Variants in PHF13 observed in about 807,000 individuals in gnomAD.
The protein encoded by PHF13 is PHD finger protein 13, also known as PHD zinc finger protein PHF5.
PHF13 carries 1 observed loss-of-function variant against 25.8 expected under a neutral mutation model. The ratio of observed to expected loss-of-function variants is 0.04; its 90% confidence interval spans 0.01 to 0.18. The LOEUF is 0.18. Among genes scored for constraint, PHF13 ranks in the 10% least tolerant of loss-of-function variants. The pLI, the probability that PHF13 is intolerant of heterozygous loss-of-function variation, is 1.00. For synonymous variants in PHF13, 195 were observed against 162.4 expected (o/e 1.20, Z -1.53); for missense variants, 306 against 403.2 (o/e 0.76, Z 2.06).
chr1:6,615,466 A>G (rs1641246855), intron 1 of PHF13, among the ~76,000 whole-genome samples: 1 of 152,074 alleles, frequency 6.6e-6, no homozygotes, highest in Non-Finnish European at 1.5e-5. Context: ...ATAATTTTCT[A>G]AGGGCACCGA....
In PHF13 at chr1:6,622,088, CAA is replaced by C. The variant is rs947210158; in HGVS notation, c.*454_*455del. 15 of 223,962 alleles carry C rather than the reference CAA, an allele frequency of 6.7e-5. No individual in the cohort carries two copies. The highest frequency in any genetic ancestry group is 1.4e-4 in the Non-Finnish European group (15 of 109,710). The allele number at this position is 223,962 out of a possible 1,614,324, so 13.9% of individuals were successfully genotyped here. On this transcript the variant is annotated 3_prime_UTR_variant, in exon 4 of 4. Transcript: ENST00000377648. The stretch of plus-strand genomic sequence containing the variant: ...TTTTCTTGAGTGTTAAGTCTTTTAC[CAA>C]AAGTGTCTGTACAGCAGCCATCCAA...
rs777405029 is a variant in PHF13, at chr1:6,614,028, C to T, written c.-39C>T. On this transcript the variant is annotated 5_prime_UTR_variant, in exon 1 of 4. Transcript: ENST00000377648. ...GCGGCCCCGCTCCAGCATCCCAGCT[C>T]CTGCACTCTCGCAGCCGCCGCCGCC... The T allele has an allele frequency of 1.9e-5, 30 of 1,555,216 alleles. No individual in the cohort carries two copies. In the South Asian group the frequency reaches 2.9e-4, roughly 15 times the overall value.
At chr1:6,619,160 AG>A (rs892215797) in intron 2 of PHF13, among the ~76,000 whole-genome samples, 4 of 152,180 alleles carry the variant, frequency 2.6e-5, no homozygotes, top group Admixed American at 2.0e-4. Flanking sequence ...ATCTCTTGGG[AG>A]GGCAAATGGA....
rs367884176 is a variant in PHF13, at chr1:6,619,999, C to T, written c.338C>T (p.Thr113Met). Residue 113 changes from threonine (T) to methionine (M), a missense_variant, in exon 3 of 4, where the codon ACG becomes ATG. By Grantham distance (81) the Thr-to-Met change is moderately conservative. This residue lies in a region of PHF13 where 186 missense variants were observed against 164.0 expected (regional missense o/e 1.13). Transcript: ENST00000377648. ...PSNFLLDRKK[T>M]DKLKKKKKRK... is the part of the protein sequence containing the mutation. The stretch of plus-strand genomic sequence containing the variant: ...AACTTCCTGCTGGACAGAAAGAAAA[C>T]GGACAAGCTGAAGAAGAAGAAGAAG... 6.8e-6 allele frequency: 11 copies of T among 1,613,488 alleles called. No homozygotes were observed. The highest frequency in any genetic ancestry group is 2.2e-5 in the East Asian group (1 of 44,848).
Position 6,621,460 on chromosome 1 carries a change from C to T in PHF13, c.726C>T (p.Ala242=), listed in dbSNP as rs142204093. 1.4e-5 allele frequency: 23 copies of T among 1,613,948 alleles called. No homozygotes were observed. Among genetic ancestry groups the T allele is most frequent in the African/African-American group, 2.7e-5 (2 of 74,912 alleles). ...CCTGCTTCTGCATGAAGCCATTTGCCGGCCGCCCCATGATCGAGTGTAATG... is the reference window on the plus strand; with the variant it reads ...CCTGCTTCTGCATGAAGCCATTTGCTGGCCGCCCCATGATCGAGTGTAATG... ...LVTCFCMKPF[A]GRPMIECNEC... The change falls in exon 4 of 4, where the codon GCC becomes GCT. Residue 242 remains alanine (A), a synonymous_variant. Coordinates refer to ENST00000377648, the MANE Select transcript of PHF13 (RefSeq NM_153812.3). This position sits in a 1 kb window ranked among gnomAD's most constrained non-coding sequence, Gnocchi z 4.8.
intron 1 of PHF13, chr1:6,614,703 C>T (rs1297976832): frequency 6.6e-6 from 1 of 150,750 alleles, no homozygotes; most frequent in African/African-American, 2.4e-5. Flanking sequence ...CGAGTCCTGC[C>T]CCCACCCACC....
chr1:6,614,395 C>G (rs1641221408), intron 1 of PHF13: 1 of 422,810 alleles, frequency 2.4e-6, no homozygotes, highest in African/African-American at 2.2e-5. Context: ...TCTCCGGCCT[C>G]GCGTCGACCT....
intron 3 of PHF13, among the ~76,000 whole-genome samples, chr1:6,620,590 C>T (rs964692696): frequency 1.3e-5 from 2 of 150,438 alleles, no homozygotes; most frequent in Admixed American, 1.3e-4. Flanking sequence ...AAGTAAGCAT[C>T]CAGGTAAGCA....
At position 6,621,251 on chromosome 1, in the gene PHF13, A is replaced by G. The variant is rs1020486029; in HGVS notation, c.677-160A>G. Among the ~76,000 whole-genome samples, 5 of 151,762 alleles carry G rather than the reference A, an allele frequency of 3.3e-5. No individual in the cohort carries two copies. The South Asian group carries it at 6.2e-4, about 19-fold the overall frequency. ...CCTGGGTAATACCTGGTTCCCACAC[A>G]TTTTGGAGCCCCTCGTGCCTTTTCA... On this transcript the variant is annotated intron_variant, in intron 3 of 3. Transcript: ENST00000377648. This position sits in a 1 kb window ranked among gnomAD's most constrained non-coding sequence, Gnocchi z 4.8.
Position 6,622,131 on chromosome 1 carries a change from T to G in PHF13, c.*494T>G, listed in dbSNP as rs924362452. 5.6e-5 allele frequency: 10 copies of G among 177,840 alleles called. No homozygotes were observed. The highest frequency in any genetic ancestry group is 7.4e-5 in the Non-Finnish European group (6 of 81,412). 11.0% of individuals were successfully genotyped at this position (177,840 alleles called of 1,614,324 possible). A position where few individuals can be genotyped will look rare whatever the true frequency, so the allele number is the denominator to read the frequency against. On this transcript the variant is annotated 3_prime_UTR_variant, in exon 4 of 4. Transcript: ENST00000377648. ...AGCCATCCAAGTTGCCCCTACTTAGTGGCTTGCCCTCTGCCTGCCTCAGCT... is the reference window on the plus strand; with the variant it reads ...AGCCATCCAAGTTGCCCCTACTTAGGGGCTTGCCCTCTGCCTGCCTCAGCT...
rs1175339017 is a variant in PHF13, at chr1:6,620,185, C to T, written c.524C>T (p.Thr175Ile). 6.2e-7 allele frequency: 1 copy of T among 1,613,886 alleles called. No homozygotes were observed. Among genetic ancestry groups the T allele is most frequent in the African/African-American group, 1.3e-5 (1 of 74,908 alleles). The change falls in exon 3 of 4, where the codon ACT becomes ATT. Residue 175 changes from threonine to isoleucine, a missense_variant. Around this residue, in one of 5 missense-constraint regions of PHF13, gnomAD observed 186 missense variants for 164.0 expected, o/e 1.13. Coordinates refer to ENST00000377648, the MANE Select transcript of PHF13 (RefSeq NM_153812.3). ...SDPCSGWDSD[T>I]PSSGSCATVS... The stretch of plus-strand genomic sequence containing the variant: ...CCCTGCTCGGGCTGGGACTCCGATA[C>T]TCCCTCGAGTGGATCTTGTGCCACT...
Position 6,618,153 on chromosome 1 carries a change from T to C in PHF13, c.141+1295T>C, listed in dbSNP as rs150714617. Among the ~76,000 whole-genome samples the C allele has an allele frequency of 2.5e-3, 373 of 151,914 alleles. 1 individual carries two copies. Among genetic ancestry groups the C allele is most frequent in the African/African-American group, 8.3e-3 (346 of 41,460 alleles). ...TTGAACAATCCAGCTTTTTTTTTTTTGCGACAGGTCTTGCTCTGTTGCCCA... is the reference window on the plus strand; with the variant it reads ...TTGAACAATCCAGCTTTTTTTTTTTCGCGACAGGTCTTGCTCTGTTGCCCA... On this transcript the variant is annotated intron_variant, in intron 2 of 3. Coordinates refer to ENST00000377648, the MANE Select transcript of PHF13 (RefSeq NM_153812.3).
In PHF13 at chr1:6,613,854, C is replaced by T. The variant is rs924293888; in HGVS notation, c.-213C>T. The T allele has an allele frequency of 8.4e-6, 4 of 475,808 alleles. No individual in the cohort carries two copies. The highest frequency in any genetic ancestry group is 4.5e-5 in the Admixed American group (1 of 22,056). The allele number at this position is 475,808 out of a possible 1,614,324, so 29.5% of individuals were successfully genotyped here. On this transcript the variant is annotated 5_prime_UTR_variant, in exon 1 of 4. Transcript: ENST00000377648. Reference sequence around the variant, plus strand: ...CCCGCCTCTACCGCCGCGGGAGCTGCATCGTCCACTCCGGTCGGCGGTGGA... The same window carrying T: ...CCCGCCTCTACCGCCGCGGGAGCTGTATCGTCCACTCCGGTCGGCGGTGGA...
In PHF13 at chr1:6,623,142, G is replaced by C. The variant is rs1274108906; in HGVS notation, c.*1505G>C. On this transcript the variant is annotated 3_prime_UTR_variant, in exon 4 of 4. Coordinates refer to ENST00000377648, the MANE Select transcript of PHF13 (RefSeq NM_153812.3). The stretch of plus-strand genomic sequence containing the variant: ...GTGGCACCTTTGTGCCAGGCCACCA[G>C]GCAGACTCTTCCCACCTTCTCCCAC... 1.3e-5 allele frequency: 2 copies of C among 152,262 alleles called. No individual in the cohort carries two copies. Among genetic ancestry groups the C allele is most frequent in the Non-Finnish European group, 2.9e-5 (2 of 68,054 alleles). 9.4% of individuals were successfully genotyped at this position (152,262 alleles called of 1,614,324 possible). A position where few individuals can be genotyped will look rare whatever the true frequency, so the allele number is the denominator to read the frequency against.
chr1:6,616,926 G>T, intron 2 of PHF13, 68 bp downstream of exon 2: 2 of 1,386,902 alleles, frequency 1.4e-6, no homozygotes, highest in Non-Finnish European at 2.0e-6. Flanking sequence ...CCGCAAGTTC[G>T]TGGGCTTCTG....
chr1:6,622,111 T>C lies in PHF13; in HGVS notation c.*474T>C, dbSNP rs1291885965. 2.1e-5 allele frequency: 4 copies of C among 188,362 alleles called. No individual in the cohort carries two copies. Among genetic ancestry groups the C allele is most frequent in the African/African-American group, 9.3e-5 (4 of 43,166 alleles). The allele number at this position is 188,362 out of a possible 1,614,324, so 11.7% of individuals were successfully genotyped here. On this transcript the variant is annotated 3_prime_UTR_variant, in exon 4 of 4. Coordinates refer to ENST00000377648, the MANE Select transcript of PHF13 (RefSeq NM_153812.3). ...ACCAAAAGTGTCTGTACAGCAGCCA[T>C]CCAAGTTGCCCCTACTTAGTGGCTT...
intron 2 of PHF13, among the ~76,000 whole-genome samples, chr1:6,618,357 T>A (rs1034818031): frequency 3.3e-5 from 5 of 152,198 alleles, no homozygotes; most frequent in African/African-American, 1.2e-4. Flanking sequence ...GGTGTCAAAC[T>A]CCTGGCCTCA....
At chr1:6,617,707 C>T (rs112962909) in intron 2 of PHF13, among the ~76,000 whole-genome samples, 7 of 152,128 alleles carry the variant, frequency 4.6e-5, no homozygotes, top group Admixed American at 1.3e-4. Flanking sequence ...GGATTACAAG[C>T]GTTGAGCCAC....
Position 6,614,570 on chromosome 1 carries a change from C to G in PHF13, c.39+465C>G, listed in dbSNP as rs535673813. On this transcript the variant is annotated intron_variant, in intron 1 of 3. Coordinates refer to ENST00000377648, the MANE Select transcript of PHF13 (RefSeq NM_153812.3). ...GCTCCCGAGGCCCCCGGCTGCTCCC[C>G]CGATCCCCCGGGCCCGGTGGCCCGC... is the stretch of plus-strand genomic sequence containing the variant. 500 of 155,754 alleles carry G rather than the reference C, an allele frequency of 3.2e-3. 1 individual carries two copies. Among genetic ancestry groups the G allele is most frequent in the Middle Eastern group, 9.5e-3 (3 of 316 alleles). 9.6% of individuals were successfully genotyped at this position (155,754 alleles called of 1,614,324 possible).
Sources: gnomAD v4.1 joint callset for allele counts (sites outside exome capture counted in the v4.1 genomes callset) on GRCh38, gnomAD v4.1.1 for gene constraint, gnomAD v4.1.1 regional missense constraint, Gnocchi (gnomAD v3.1) non-coding constraint, MANE v1.5 for transcripts, NCBI Gene and HGNC (gene_info 2026-07-23, HGNC 2026-07-21) for gene names.